Variants in ELOVL6 observed in about 807,000 individuals in gnomAD.
The protein encoded by ELOVL6 is very long chain fatty acid elongase 6.
In ELOVL6, 8 loss-of-function variants were observed where a neutral mutation model predicts 31.7. That is an observed-to-expected ratio of 0.25 (90% CI 0.15 to 0.45). The LOEUF (loss-of-function observed/expected upper bound fraction) is 0.45. Ranked by LOEUF, ELOVL6 falls within the 20% of genes least tolerant of loss-of-function variation. The probability of loss-of-function intolerance (pLI) is 1.00; values close to 1 mark genes in which losing one functional copy is unlikely to be tolerated. For missense variants in ELOVL6, 126 were observed against 326.4 expected (o/e 0.39, Z 4.73); for synonymous variants, 101 against 117.7 (o/e 0.86, Z 0.92).
At chr4:110,074,294 T>C (rs566679099) in intron 2 of ELOVL6, among the ~76,000 whole-genome samples, 1 of 152,356 alleles carries the variant, frequency 6.6e-6, no homozygotes, top group East Asian at 1.9e-4. Context: ...ATAGTTGTTA[T>C]ACAGTATTTT....
chr4:110,112,007 T>C (rs1162636562), intron 1 of ELOVL6, among the ~76,000 whole-genome samples: 2 of 152,204 alleles, frequency 1.3e-5, no homozygotes, highest in Non-Finnish European at 2.9e-5. Context: ...TTCTTTTTCT[T>C]CTTAAATAAA....
At chr4:110,160,289 C>T (rs1758595609) in intron 1 of ELOVL6, among the ~76,000 whole-genome samples, 1 of 152,142 alleles carries the variant, frequency 6.6e-6, no homozygotes, top group Non-Finnish European at 1.5e-5. Flanking sequence ...TGGCATAGAT[C>T]ACTCTCACTA....
intron 1 of ELOVL6, among the ~76,000 whole-genome samples, chr4:110,120,772 G>A (rs151266401): frequency 6.7e-6 from 1 of 149,830 alleles, no homozygotes; most frequent in African/African-American, 2.5e-5. Context: ...ACACTTCTCA[G>A]CTGGTTCTTT....
intron 2 of ELOVL6, among the ~76,000 whole-genome samples, chr4:110,077,934 T>G (rs1311569995): frequency 6.6e-6 from 1 of 152,054 alleles, no homozygotes; most frequent in African/African-American, 2.4e-5. Context: ...GAGAACTACG[T>G]GATGAATGCA....
At chr4:110,105,689 G>C in intron 1 of ELOVL6, 61 bp from the exon 2 acceptor site, 1 of 1,497,604 alleles carries the variant, frequency 6.7e-7, no homozygotes, top group South Asian at 1.2e-5. Context: ...ACCAAATTTT[G>C]TACCAGTTCT....
At chr4:110,188,425 G>T (rs539376021) in intron 1 of ELOVL6, among the ~76,000 whole-genome samples, 1 of 151,956 alleles carries the variant, frequency 6.6e-6, no homozygotes, top group East Asian at 1.9e-4. Context: ...GGATGATTGG[G>T]GCCTTGTGAC....
chr4:110,072,747 G>C (rs1483955806), intron 2 of ELOVL6, among the ~76,000 whole-genome samples: 8 of 152,116 alleles, frequency 5.3e-5, no homozygotes, highest in African/African-American at 1.9e-4. Flanking sequence ...ATGCTGGCAT[G>C]GTTGCTCAGA....
chr4:110,151,872 T>G (rs1758289259), intron 1 of ELOVL6, among the ~76,000 whole-genome samples: 1 of 152,222 alleles, frequency 6.6e-6, no homozygotes, highest in Non-Finnish European at 1.5e-5. Context: ...TGCCTAGGAC[T>G]GCTGTGAAGA....
At chr4:110,108,805 A>C (rs1300267268) in intron 1 of ELOVL6, among the ~76,000 whole-genome samples, 1 of 152,196 alleles carries the variant, frequency 6.6e-6, no homozygotes, top group African/African-American at 2.4e-5. Flanking sequence ...TGATCAAAGT[A>C]AGTTTTTCAT....
At chr4:110,127,419 A>AAAG (rs2126256083) in intron 1 of ELOVL6, among the ~76,000 whole-genome samples, 1 of 150,212 alleles carries the variant, frequency 6.7e-6, no homozygotes, top group South Asian at 2.1e-4. Flanking sequence ...AAAAAAAAAA[A>AAAG]AAAAAAGAAA....
chr4:110,051,446 C>T lies in ELOVL6; in HGVS notation c.690G>A (p.Gln230=), dbSNP rs771110566. 1 of 1,614,190 alleles carries T rather than the reference C, an allele frequency of 6.2e-7. No homozygotes were observed. Among genetic ancestry groups the T allele is most frequent in the South Asian group, 1.1e-5 (1 of 91,078 alleles). The change falls in exon 4 of 4, where the codon CAG becomes CAA. Residue 230 remains glutamine, a synonymous_variant. Coordinates refer to ENST00000302274, the MANE Select transcript of ELOVL6 (RefSeq NM_024090.3). The surrounding 1 kb of genome is among the most constrained non-coding windows in gnomAD (Gnocchi z 4.8). Reference sequence around the variant, plus strand: ...ACATGAGTGAGGACCAGAAGATGTTCTGAAAGTGAGAGTGACACTGGTCAT... The same window carrying T: ...ACATGAGTGAGGACCAGAAGATGTTTTGAAAGTGAGAGTGACACTGGTCAT... ...MQHDQCHSHF[Q]NIFWSSLMYL...
intron 1 of ELOVL6, among the ~76,000 whole-genome samples, chr4:110,145,354 A>C (rs1758076804): frequency 6.6e-6 from 1 of 152,154 alleles, no homozygotes; most frequent in South Asian, 2.1e-4. Flanking sequence ...TATACATGAT[A>C]TCCAGGCAGA....
intron 1 of ELOVL6, among the ~76,000 whole-genome samples, chr4:110,169,950 G>A (rs1374992224): frequency 3.3e-5 from 5 of 151,634 alleles, no homozygotes; most frequent in African/African-American, 9.7e-5. Context: ...GACTAAAGGC[G>A]TGTGACACCA....
intron 2 of ELOVL6, among the ~76,000 whole-genome samples, chr4:110,068,263 A>T (rs527249394): frequency 2.6e-5 from 4 of 152,348 alleles, no homozygotes; most frequent in South Asian, 2.1e-4. Flanking sequence ...CCTAAAAATG[A>T]CTAATAGTAT....
intron 1 of ELOVL6, among the ~76,000 whole-genome samples, chr4:110,170,709 C>T (rs949609411): frequency 3.9e-5 from 6 of 152,264 alleles, no homozygotes; most frequent in Non-Finnish European, 7.3e-5. Flanking sequence ...TAGAAAAACA[C>T]GTTAGATTAG....
At chr4:110,114,341 T>C (rs554908187) in intron 1 of ELOVL6, among the ~76,000 whole-genome samples, 29 of 152,256 alleles carry the variant, frequency 1.9e-4, no homozygotes, top group Non-Finnish European at 4.0e-4. Context: ...TAGGCATTTT[T>C]TTTTCTTTTT....
intron 1 of ELOVL6, among the ~76,000 whole-genome samples, chr4:110,125,374 C>T (rs1013723039): frequency 2.0e-5 from 3 of 152,090 alleles, no homozygotes; most frequent in Non-Finnish European, 2.9e-5. Context: ...CATTTCCCTA[C>T]GTGTTTCCAG....
intron 1 of ELOVL6, among the ~76,000 whole-genome samples, chr4:110,162,049 T>A (rs1225216991): frequency 6.6e-6 from 1 of 152,210 alleles, no homozygotes. Context: ...GGGAAAGGGA[T>A]GTAGTCCTTT....
At chr4:110,144,494 A>T (rs1410556913) in intron 1 of ELOVL6, among the ~76,000 whole-genome samples, 2 of 152,096 alleles carry the variant, frequency 1.3e-5, no homozygotes, top group African/African-American at 4.8e-5. Flanking sequence ...TATATAAATA[A>T]TTTTTCCCTA....
Sources: allele counts gnomAD v4.1 joint callset (sites outside exome capture counted in the v4.1 genomes callset), GRCh38; gene constraint gnomAD v4.1.1; non-coding constraint Gnocchi (gnomAD v3.1); transcripts MANE v1.5; gene names NCBI Gene and HGNC (gene_info 2026-07-23, HGNC 2026-07-21).